Variants in PRDM11 observed in about 807,000 individuals in gnomAD.
The protein encoded by PRDM11 is PR/SET domain 11.
PRDM11 carries 20 observed loss-of-function variants against 97.8 expected under a neutral mutation model. That is an observed-to-expected ratio of 0.20 (90% CI 0.14 to 0.30). PRDM11 has a LOEUF of 0.30. PRDM11 is among the 10% of genes least tolerant of loss of function. PRDM11 has a pLI of 1.00. For missense variants in PRDM11, 1,139 were observed against 1,555.2 expected (o/e 0.73, Z 4.50); for synonymous variants, 599 against 637.7 (o/e 0.94, Z 0.91).
At chr11:45,108,458 C>T (rs1852103372) in intron 1 of PRDM11, among the ~76,000 whole-genome samples, 1 of 152,186 alleles carries the variant, frequency 6.6e-6, no homozygotes, top group Admixed American at 6.5e-5. Context: ...TGCCCATGTG[C>T]CCACTGCTCT....
At position 45,220,091 on chromosome 11, in the gene PRDM11, G is replaced by T. The variant is rs552171860; in HGVS notation, c.742+334G>T. ...AGTTGATGAAAAGATGTTACAAACT[G>T]CCACTGCCTCAATAATGATCGTAAT... On this transcript the variant is annotated intron_variant, in intron 6 of 7. Transcript: ENST00000683152. 5.9e-5 allele frequency among the ~76,000 whole-genome samples: 9 copies of T among 152,240 alleles called. No homozygotes were observed. The East Asian group carries it at 1.7e-3, about 29-fold the overall frequency.
intron 5 of PRDM11, among the ~76,000 whole-genome samples, chr11:45,207,887 G>A (rs529453844): frequency 3.2e-4 from 48 of 152,204 alleles, no homozygotes; most frequent in Non-Finnish European, 5.6e-4. Flanking sequence ...AGGAGTGAAT[G>A]CGCTCTGAGC....
intron 5 of PRDM11, among the ~76,000 whole-genome samples, chr11:45,211,110 CG>C (rs1252931302): frequency 1.3e-5 from 2 of 152,174 alleles, no homozygotes; most frequent in Admixed American, 6.5e-5. Flanking sequence ...CTTGGCAGAA[CG>C]GGGACCTGGG....
chr11:45,101,138 G>A (rs529079428), intron 1 of PRDM11, among the ~76,000 whole-genome samples: 12 of 152,294 alleles, frequency 7.9e-5, no homozygotes, highest in Non-Finnish European at 1.8e-4. Flanking sequence ...TTACTGGGCT[G>A]AGAGGTGTGT....
intron 1 of PRDM11, among the ~76,000 whole-genome samples, chr11:45,126,400 G>C (rs1193256229): frequency 4.6e-5 from 7 of 152,002 alleles, no homozygotes; most frequent in Non-Finnish European, 7.4e-5. Context: ...TGGTTATTTT[G>C]CTCATTAGTT....
intron 1 of PRDM11, among the ~76,000 whole-genome samples, chr11:45,112,724 C>T (rs1230108325): frequency 2.0e-5 from 3 of 151,982 alleles, no homozygotes; most frequent in Admixed American, 6.6e-5. Context: ...TTTGTTGGCT[C>T]TTTGTATATA....
At chr11:45,150,996 C>A (rs1363748267) in intron 1 of PRDM11, among the ~76,000 whole-genome samples, 1 of 152,202 alleles carries the variant, frequency 6.6e-6, no homozygotes, top group African/African-American at 2.4e-5. Flanking sequence ...CCCTGGCAGT[C>A]TGAGGCCATC....
chr11:45,121,775 T>G (rs1163051193), intron 1 of PRDM11, among the ~76,000 whole-genome samples: 1 of 152,008 alleles, frequency 6.6e-6, no homozygotes, highest in Non-Finnish European at 1.5e-5. Flanking sequence ...TAATTAGAAA[T>G]CTATATAAAA....
At chr11:45,170,544 G>GGGCAGCCCC (rs1260547750) in intron 1 of PRDM11, among the ~76,000 whole-genome samples, 11 of 152,198 alleles carry the variant, frequency 7.2e-5, no homozygotes, top group African/African-American at 2.7e-4. Context: ...AGGCAGAGCA[G>GGGCAGCCCC]GGCAGCCCCT....
Position 45,227,977 on chromosome 11 carries a change from G to T in PRDM11, c.3352G>T (p.Ala1118Ser). Reference protein sequence around the residue: ...LEQLSDLLTIAVNGPPITNFD... With the variant: ...LEQLSDLLTISVNGPPITNFD... ...GCAGCTTAGCGACCTGTTGACAATC[G>T]CTGTAAACGGACCGCCAATCACCAA... is the stretch of plus-strand genomic sequence containing the variant. The change falls in exon 8 of 8, where the codon GCT becomes TCT. Residue 1118 changes from alanine (A) to serine (S), a missense_variant. Ala to Ser is a moderately conservative substitution (Grantham distance 99). Around this residue, in one of 2 missense-constraint regions of PRDM11, gnomAD observed 710 missense variants for 1,044.9 expected, o/e 0.68. Transcript: ENST00000683152. This position sits in a 1 kb window ranked among gnomAD's most constrained non-coding sequence, Gnocchi z 8.0. The T allele has an allele frequency of 6.5e-7, 1 of 1,533,772 alleles. No homozygotes were observed. Among genetic ancestry groups the T allele is most frequent in the Non-Finnish European group, 8.7e-7 (1 of 1,146,700 alleles).
At chr11:45,121,829 A>G (rs1852436709) in intron 1 of PRDM11, among the ~76,000 whole-genome samples, 1 of 152,158 alleles carries the variant, frequency 6.6e-6, no homozygotes, top group African/African-American at 2.4e-5. Context: ...TAAGCAACAC[A>G]CTGCTAAATA....
At position 45,168,321 on chromosome 11, in the gene PRDM11, TCCCCTTTCCTTGTAA is replaced by T. The variant is rs1852118216; in HGVS notation, c.-6-13437_-6-13423del. The stretch of plus-strand genomic sequence containing the variant: ...CTGGGTCCTGTGGTCCAGACAGGGG[TCCCCTTTCCTTGTAA>T]CCAAAACACTGAAAAAGAACCTCAT... On this transcript the variant is annotated intron_variant, in intron 1 of 7. Transcript: ENST00000683152. 2.0e-5 allele frequency among the ~76,000 whole-genome samples: 3 copies of T among 152,050 alleles called. 1 individual carries two copies. In the South Asian group the frequency reaches 6.2e-4, roughly 32 times the overall value.
chr11:45,105,857 C>T (rs1021974435), intron 1 of PRDM11, among the ~76,000 whole-genome samples: 4 of 152,224 alleles, frequency 2.6e-5, no homozygotes, highest in African/African-American at 9.6e-5. Flanking sequence ...GTGCTTGGTG[C>T]TAAGCCCCAG....
chr11:45,151,182 G>C (rs1162468812), intron 1 of PRDM11, among the ~76,000 whole-genome samples: 2 of 152,316 alleles, frequency 1.3e-5, no homozygotes, highest in South Asian at 2.1e-4. Context: ...CCTGGTGCCA[G>C]GGCTGGTCTA....
intron 1 of PRDM11, among the ~76,000 whole-genome samples, chr11:45,139,568 C>CAAA (rs10594529): frequency 0.016 from 1,496 of 91,272 alleles, 66 homozygotes; most frequent in African/African-American, 0.06. Flanking sequence ...CTCCAACTCA[C>CAAA]AAAAAAAAAA....
intron 4 of PRDM11, among the ~76,000 whole-genome samples, chr11:45,184,848 G>C (rs1252462514): frequency 6.6e-6 from 1 of 152,096 alleles, no homozygotes; most frequent in East Asian, 1.9e-4. Flanking sequence ...TGGGGGTGTG[G>C]GTGTGGAGCG....
At chr11:45,168,644 G>A (rs1218853307) in intron 1 of PRDM11, among the ~76,000 whole-genome samples, 1 of 152,158 alleles carries the variant, frequency 6.6e-6, no homozygotes, top group Non-Finnish European at 1.5e-5. Flanking sequence ...TGCCCACTAA[G>A]AGCCACAGGT....
In PRDM11 at chr11:45,232,661, C is replaced by T. The variant is rs866399011; in HGVS notation, c.*4502C>T. On this transcript the variant is annotated 3_prime_UTR_variant, in exon 8 of 8. Coordinates refer to ENST00000683152, the MANE Select transcript of PRDM11 (RefSeq NM_001384648.1). The stretch of plus-strand genomic sequence containing the variant: ...TGCCGTGTCATGGGTTCTAGTCTGG[C>T]CTCTTCCTCAGTCCTCAGGAGGACC... The T allele has an allele frequency of 6.6e-6, 1 of 152,250 alleles. No individual in the cohort carries two copies. The highest frequency in any genetic ancestry group is 2.4e-5 in the African/African-American group (1 of 41,428). The allele number at this position is 152,250 out of a possible 1,614,324, so 9.4% of individuals were successfully genotyped here.
rs1341464309 is a variant in PRDM11 at position 45,097,372 on chromosome 11, T to C, written c.96+1471T>C. Among the ~76,000 whole-genome samples, 3 of 152,216 alleles carry C rather than the reference T, an allele frequency of 2.0e-5. No homozygotes were observed. In the East Asian group the frequency reaches 5.8e-4, roughly 29 times the overall value. On this transcript the variant is annotated intron_variant, in intron 1 of 6. Coordinates refer to the PRDM11 transcript ENST00000530656. ...CTATCAAGTAAAGTCTGAGGAATAG[T>C]AGCTACCAAACGTGAGCATTTGTTA...
Sources: gnomAD v4.1 joint callset for allele counts (sites outside exome capture counted in the v4.1 genomes callset) on GRCh38, gnomAD v4.1.1 for gene constraint, gnomAD v4.1.1 regional missense constraint, Gnocchi (gnomAD v3.1) non-coding constraint, MANE v1.5 for transcripts, NCBI Gene and HGNC (gene_info 2026-07-23, HGNC 2026-07-21) for gene names.